The following EFCAB5 variants were observed in gnomAD, a reference collection of about 807,000 sequenced individuals.
The protein encoded by EFCAB5 is EF-hand calcium binding domain 5, also known as EF-hand calcium-binding domain-containing protein 5.
A neutral mutation model predicts 167.9 loss-of-function variants in EFCAB5; 131 were observed. That is an observed-to-expected ratio of 0.78 (90% CI 0.68 to 0.90). EFCAB5 has a LOEUF of 0.90. EFCAB5 is among the 40% of genes least tolerant of loss of function. The pLI, the probability that EFCAB5 is intolerant of heterozygous loss-of-function variation, is 0.00. For synonymous variants in EFCAB5, 574 were observed against 602.8 expected, an observed-to-expected ratio of 0.95 and a Z score of 0.70; for missense variants, 1,663 against 1,745.2, an observed-to-expected ratio of 0.95 and a Z score of 0.84.
In EFCAB5 at chr17:30,108,147, A is replaced by C; in HGVS notation, c.*123A>C. ...CCTATAAATGTCTTCTGCTGCTAAT[A>C]TTTATCTCAGCACTTTCTAAACCCA... is the stretch of plus-strand genomic sequence containing the variant. On this transcript the variant is annotated 3_prime_UTR_variant, in exon 23 of 23. Transcript: ENST00000394835. 1 of 1,151,410 alleles carries C rather than the reference A, an allele frequency of 8.7e-7. No individual in the cohort carries two copies. The highest frequency in any genetic ancestry group is 1.2e-6 in the Non-Finnish European group (1 of 843,978). 71.3% of individuals were successfully genotyped at this position (1,151,410 alleles called of 1,614,324 possible).
chr17:29,936,154 T>A (rs1426067155), intron 1 of EFCAB5, among the ~76,000 whole-genome samples: 2 of 152,070 alleles, frequency 1.3e-5, no homozygotes, highest in Admixed American at 1.3e-4. Context: ...ATGTCCTTTG[T>A]AGGGACATGG....
rs1229352616 is a variant in EFCAB5, at chr17:29,968,908, A to G, written c.308A>G (p.Glu103Gly). 6.3e-7 allele frequency: 1 copy of G among 1,576,362 alleles called. No homozygotes were observed. The highest frequency in any genetic ancestry group is 8.6e-7 in the Non-Finnish European group (1 of 1,160,034). Residue 103 changes from glutamate to glycine, a missense_variant, in exon 4 of 23, where the codon GAA becomes GGA. Physicochemically the swap from Glu to Gly is moderately conservative, Grantham distance 98. Transcript: ENST00000394835. ...KSAKVIFALD[E>G]TELKSKPEHT... Reference sequence around the variant, plus strand: ...GCAAAAGTGATTTTTGCTTTAGATGAAACTGAACTGAAATCAAAGCCAGAG... The same window carrying G: ...GCAAAAGTGATTTTTGCTTTAGATGGAACTGAACTGAAATCAAAGCCAGAG...
intron 10 of EFCAB5, 86 bp from the exon 11 acceptor site, chr17:30,055,802 A>G (rs2070245064): frequency 7.1e-7 from 1 of 1,399,812 alleles, no homozygotes; most frequent in Non-Finnish European, 9.8e-7. Flanking sequence ...TCTATATGCA[A>G]TGCATTTCTA....
intron 3 of EFCAB5, among the ~76,000 whole-genome samples, chr17:29,957,370 G>A (rs1597579651): frequency 6.6e-6 from 1 of 152,012 alleles, no homozygotes; most frequent in East Asian, 1.9e-4. Flanking sequence ...GTACATGCAG[G>A]TTTGTTACAT....
chr17:30,068,668 A>G, intron 14 of EFCAB5: 1 of 1,555,438 alleles, frequency 6.4e-7, no homozygotes, highest in East Asian at 2.3e-5. Flanking sequence ...GGCCAGCGTC[A>G]AGACCGTGAA....
chr17:30,081,846 T>C (rs1175019160), intron 17 of EFCAB5, among the ~76,000 whole-genome samples: 1 of 152,206 alleles, frequency 6.6e-6, no homozygotes, highest in African/African-American at 2.4e-5. Context: ...TGGAGGAGTA[T>C]GGAGTTATCA....
intron 7 of EFCAB5, 93 bp from the exon 8 acceptor site, chr17:30,034,137 A>G (rs1391606873): frequency 2.4e-5 from 34 of 1,413,636 alleles, no homozygotes; most frequent in South Asian, 1.4e-4. Flanking sequence ...TTTACAGCCA[A>G]TGTATTTCAT....
At chr17:30,030,099 C>T (rs771075434) in intron 7 of EFCAB5, among the ~76,000 whole-genome samples, 3 of 152,118 alleles carry the variant, frequency 2.0e-5, no homozygotes, top group Non-Finnish European at 4.4e-5. Flanking sequence ...AGGCTCCCAT[C>T]GATTTTCACC....
intron 14 of EFCAB5, chr17:30,069,481 C>A: frequency 6.3e-7 from 1 of 1,591,338 alleles, no homozygotes; most frequent in Non-Finnish European, 8.6e-7. Flanking sequence ...ATGGCGTTCA[C>A]CAGTTAGTTG....
chr17:29,992,607 A>T (rs760480274), intron 4 of EFCAB5, among the ~76,000 whole-genome samples: 2 of 152,166 alleles, frequency 1.3e-5, no homozygotes, highest in African/African-American at 2.4e-5. Flanking sequence ...TGGCCTCCCA[A>T]AGTGCTGGGA....
chr17:29,992,178 T>C (rs938044089), intron 4 of EFCAB5, among the ~76,000 whole-genome samples: 7 of 152,198 alleles, frequency 4.6e-5, no homozygotes, highest in Admixed American at 3.3e-4. Flanking sequence ...TACTCTCTGC[T>C]TCTATGTGCT....
At chr17:30,046,268 A>G (rs1049359853) in intron 8 of EFCAB5, among the ~76,000 whole-genome samples, 1 of 152,192 alleles carries the variant, frequency 6.6e-6, no homozygotes, top group Non-Finnish European at 1.5e-5. Flanking sequence ...TTTCTTAAAA[A>G]TAATCACTTA....
chr17:30,074,744 C>A (rs2070834414), intron 14 of EFCAB5: 1 of 152,154 alleles, frequency 6.6e-6, no homozygotes, highest in South Asian at 2.1e-4. Context: ...TTTCTGCATC[C>A]TTTTAACATG....
chr17:30,019,660 G>A (rs996719039), intron 7 of EFCAB5, among the ~76,000 whole-genome samples: 3 of 151,792 alleles, frequency 2.0e-5, no homozygotes, highest in Non-Finnish European at 2.9e-5. Flanking sequence ...TGGCCAGGCC[G>A]GTCTTGAACT....
intron 22 of EFCAB5, among the ~76,000 whole-genome samples, chr17:30,098,669 A>T (rs2071338931): frequency 6.6e-6 from 1 of 152,150 alleles, no homozygotes; most frequent in South Asian, 2.1e-4. Context: ...ACATGCCATA[A>T]ATTTCACTCT....
At chr17:30,065,126 A>G (rs907182624) in intron 14 of EFCAB5, among the ~76,000 whole-genome samples, 2 of 152,220 alleles carry the variant, frequency 1.3e-5, no homozygotes, top group African/African-American at 4.8e-5. Context: ...ATGCAAAAAT[A>G]TGAAACTCAC....
chr17:30,092,009 CAG>C lies in EFCAB5; in HGVS notation c.4079_4080del (p.Glu1360AlafsTer21). ...TTGCTCTATGACCATACTCTTGTAA[CAG>C]AGCCAAATTCTCCTCAAGACAGCAA... On this transcript the variant is annotated frameshift_variant, in exon 21 of 23. Coordinates refer to ENST00000394835, the MANE Select transcript of EFCAB5 (RefSeq NM_198529.4). LOFTEE classifies it high-confidence loss of function. 1 of 1,613,946 alleles carries C rather than the reference CAG, an allele frequency of 6.2e-7. No homozygotes were observed. The highest frequency in any genetic ancestry group is 1.1e-5 in the South Asian group (1 of 91,078).
At chr17:29,975,675 C>A (rs896588570) in intron 4 of EFCAB5, among the ~76,000 whole-genome samples, 1 of 152,182 alleles carries the variant, frequency 6.6e-6, no homozygotes, top group Non-Finnish European at 1.5e-5. Flanking sequence ...AGATATCCCT[C>A]TGGGATAAAG....
intron 14 of EFCAB5, among the ~76,000 whole-genome samples, chr17:30,074,875 C>T (rs1285852239): frequency 6.6e-6 from 1 of 152,062 alleles, no homozygotes; most frequent in Non-Finnish European, 1.5e-5. Context: ...CATCTGGGTT[C>T]TACATGTGCT....
Sources: gnomAD v4.1 joint callset for allele counts (sites outside exome capture counted in the v4.1 genomes callset) on GRCh38, gnomAD v4.1.1 for gene constraint, MANE v1.5 for transcripts, NCBI Gene and HGNC (gene_info 2026-07-23, HGNC 2026-07-21) for gene names.